JAKMIP1: variants seen among roughly 807,000 people sequenced by gnomAD.
The protein encoded by JAKMIP1 is janus kinase and microtubule-interacting protein 1.
Under a neutral mutation model 113.0 loss-of-function variants are expected in JAKMIP1, and 33 were observed. The observed-to-expected ratio is 0.29, with a 90% CI of 0.22 to 0.39. The LOEUF is 0.39. Among genes scored for constraint, JAKMIP1 ranks in the 10% least tolerant of loss-of-function variants. The pLI is 1.00. For synonymous variants in JAKMIP1, 480 were observed against 459.9 expected, an observed-to-expected ratio of 1.04 and a Z score of -0.56; for missense variants, 813 against 1,080.5, an observed-to-expected ratio of 0.75 and a Z score of 3.47.
chr4:6,105,038 C>T (rs570394651), intron 3 of JAKMIP1, among the ~76,000 whole-genome samples: 1 of 152,344 alleles, frequency 6.6e-6, no homozygotes, highest in South Asian at 2.1e-4. Context: ...ATCCACACTC[C>T]ACAGCTTCCA....
At position 6,060,419 on chromosome 4, in the gene JAKMIP1, C is replaced by T. The variant is rs1717099984; in HGVS notation, c.1644+5G>A. On this transcript the variant is annotated splice_donor_5th_base_variant and intron_variant, in intron 11 of 20. Transcript: ENST00000409021. ...ATTCACAGAGCACAGATCACTCCTGCTCACCTGTCCCTTCTCAACCAGTAA... is the reference window on the plus strand; with the variant it reads ...ATTCACAGAGCACAGATCACTCCTGTTCACCTGTCCCTTCTCAACCAGTAA... 1.2e-6 allele frequency: 2 copies of T among 1,606,778 alleles called. No homozygotes were observed. Among genetic ancestry groups the T allele is most frequent in the Admixed American group, 1.7e-5 (1 of 59,994 alleles).
Position 6,139,317 on chromosome 4 carries a change from G to T in JAKMIP1, c.-147-26320C>A, listed in dbSNP as rs746334994. Reference sequence around the variant, plus strand: ...AAGTATTCTTGATTTATGTGAAAGGGTTTAAATTGTGTCACTCCCAAATTC... The same window carrying T: ...AAGTATTCTTGATTTATGTGAAAGGTTTTAAATTGTGTCACTCCCAAATTC... On this transcript the variant is annotated intron_variant, in intron 1 of 20. Coordinates refer to ENST00000409021, the MANE Select transcript of JAKMIP1 (RefSeq NM_001099433.2). The surrounding 1 kb of genome is among the most constrained non-coding windows in gnomAD (Gnocchi z 5.2). Among the ~76,000 whole-genome samples the T allele has an allele frequency of 6.6e-6, 1 of 152,148 alleles. No homozygotes were observed. The highest frequency in any genetic ancestry group is 6.5e-5 in the Admixed American group (1 of 15,278).
At chr4:6,117,089 G>C (rs1164280636) in intron 1 of JAKMIP1, among the ~76,000 whole-genome samples, 1 of 152,222 alleles carries the variant, frequency 6.6e-6, no homozygotes, top group Non-Finnish European at 1.5e-5. Context: ...GGACAGCACA[G>C]CTCGTGTGCC....
chr4:6,092,671 C>T (rs1339655129), intron 3 of JAKMIP1, among the ~76,000 whole-genome samples: 1 of 152,218 alleles, frequency 6.6e-6, no homozygotes, highest in Non-Finnish European at 1.5e-5. Context: ...CTAAGAGGGT[C>T]CTTGACCCCA....
intron 1 of JAKMIP1, among the ~76,000 whole-genome samples, chr4:6,160,885 C>T (rs1348367106): frequency 2.0e-5 from 3 of 150,536 alleles, no homozygotes; most frequent in Admixed American, 6.6e-5. Context: ...GACCTCCACT[C>T]GCCTACCCTG....
In JAKMIP1 at chr4:6,106,246, G is replaced by C. The variant is rs1713926587; in HGVS notation, c.130-279C>G. ...ATTCAAGCCTTTGACATCTCTTCCA[G>C]GTTGTAAATTGAGACGACTGCTCAA... On this transcript the variant is annotated intron_variant, in intron 2 of 20. Coordinates refer to ENST00000409021, the MANE Select transcript of JAKMIP1 (RefSeq NM_001099433.2). This position sits in a 1 kb window ranked among gnomAD's most constrained non-coding sequence, Gnocchi z 5.9. 6.6e-6 allele frequency among the ~76,000 whole-genome samples: 1 copy of C among 152,210 alleles called. No individual in the cohort carries two copies. The highest frequency in any genetic ancestry group is 2.4e-5 in the African/African-American group (1 of 41,450).
intron 3 of JAKMIP1, among the ~76,000 whole-genome samples, chr4:6,096,080 G>A (rs561958989): frequency 1.3e-5 from 2 of 152,300 alleles, no homozygotes; most frequent in South Asian, 2.1e-4. Context: ...TGCAAAGATC[G>A]GGGCTGGAGC....
chr4:6,194,587 C>G lies in JAKMIP1; in HGVS notation c.-148+5666G>C, dbSNP rs1252399686. On this transcript the variant is annotated intron_variant, in intron 1 of 20. Coordinates refer to ENST00000409021, the MANE Select transcript of JAKMIP1 (RefSeq NM_001099433.2). This position sits in a 1 kb window ranked among gnomAD's most constrained non-coding sequence, Gnocchi z 7.4. Reference sequence around the variant, plus strand: ...CACCCCCTCCAGTGCTGTGGAGGGACCCGGGTCAGTCCAGGCTCCTGACTC... The same window carrying G: ...CACCCCCTCCAGTGCTGTGGAGGGAGCCGGGTCAGTCCAGGCTCCTGACTC... 1 of 152,248 alleles carries G rather than the reference C, an allele frequency of 6.6e-6. No individual in the cohort carries two copies. Among genetic ancestry groups the G allele is most frequent in the Non-Finnish European group, 1.5e-5 (1 of 68,122 alleles). The allele number at this position is 152,248 out of a possible 1,614,324, so 9.4% of individuals were successfully genotyped here.
intron 2 of JAKMIP1, among the ~76,000 whole-genome samples, chr4:6,107,162 T>C (rs1268589444): frequency 6.6e-6 from 1 of 152,180 alleles, no homozygotes; most frequent in Non-Finnish European, 1.5e-5. Context: ...CAGCATCTTT[T>C]CCTAGTGGAT....
At chr4:6,127,973 C>T (rs1717964797) in intron 1 of JAKMIP1, among the ~76,000 whole-genome samples, 1 of 152,232 alleles carries the variant, frequency 6.6e-6, no homozygotes, top group Non-Finnish European at 1.5e-5. Context: ...TCCCACCACC[C>T]CCATCTCTGG....
In JAKMIP1 at chr4:6,062,426, C is replaced by A. The variant is rs1169958175; in HGVS notation, c.1446G>T (p.Glu482Asp). ...GCTGGCAGAAGCGCAGGTCAGCCTC[C>A]TCTCGGGCTGTGGCCTTCACATAAT... ...EEDLDDATAR[E>D]EADLRFCQLT... Residue 482 changes from glutamate to aspartate, a missense_variant, in exon 10 of 21, where the codon GAG becomes GAT. Physicochemically the swap from Glu to Asp is conservative, Grantham distance 45. Around this residue, in one of 2 missense-constraint regions of JAKMIP1, gnomAD observed 540 missense variants for 653.9 expected, o/e 0.83. Coordinates refer to ENST00000409021, the MANE Select transcript of JAKMIP1 (RefSeq NM_001099433.2). The A allele has an allele frequency of 6.2e-7, 1 of 1,613,438 alleles. No individual in the cohort carries two copies. Among genetic ancestry groups the A allele is most frequent in the Admixed American group, 1.7e-5 (1 of 60,022 alleles).
Position 6,089,442 on chromosome 4 carries a change from C to T in JAKMIP1, c.625-3813G>A, listed in dbSNP as rs553302996. Among the ~76,000 whole-genome samples the T allele has an allele frequency of 1.8e-4, 27 of 152,334 alleles. 1 individual carries two copies. In the South Asian group the frequency reaches 5.2e-3, roughly 29 times the overall value. ...TAGGTACTCATTTGTACTTAAGAGA[C>T]ACTCTCTGAGTCTTTAAAAGATCCT... On this transcript the variant is annotated intron_variant, in intron 3 of 20. Coordinates refer to ENST00000409021, the MANE Select transcript of JAKMIP1 (RefSeq NM_001099433.2). The surrounding 1 kb of genome is among the most constrained non-coding windows in gnomAD (Gnocchi z 5.3).
At chr4:6,169,996 A>ACCACCACCACCACCC (rs1724186033) in intron 1 of JAKMIP1, among the ~76,000 whole-genome samples, 2 of 80,984 alleles carry the variant, frequency 2.5e-5, no homozygotes, top group Non-Finnish European at 5.5e-5. Flanking sequence ...CACCACCACC[A>ACCACCACCACCACCC]CCACCACCAC....
At chr4:6,127,702 C>A (rs1284183075) in intron 1 of JAKMIP1, among the ~76,000 whole-genome samples, 2 of 152,198 alleles carry the variant, frequency 1.3e-5, no homozygotes, top group African/African-American at 2.4e-5. Flanking sequence ...CTGTGGGATT[C>A]CCTCCTTGAT....
rs75614152 is a variant in JAKMIP1, at chr4:6,139,458, T to C, written c.-147-26461A>G. Among the ~76,000 whole-genome samples the C allele has an allele frequency of 0.035, 5,377 of 152,072 alleles. 336 individuals carry two copies. The highest frequency in any genetic ancestry group is 0.12 in the African/African-American group (5,139 of 41,386). ...GGAGGGTGGGCCTTAACCAATATGA[T>C]GGGTGTTCCTACAAAAAGAAGAAAT... On this transcript the variant is annotated intron_variant, in intron 1 of 20. Transcript: ENST00000409021. The surrounding 1 kb of genome is among the most constrained non-coding windows in gnomAD (Gnocchi z 5.2).
intron 19 of JAKMIP1, among the ~76,000 whole-genome samples, chr4:6,035,472 A>G (rs1286038670): frequency 2.0e-5 from 3 of 152,100 alleles, no homozygotes; most frequent in Non-Finnish European, 4.4e-5. Context: ...CTCACACGCA[A>G]CATCGAACCT....
At chr4:6,033,806 A>G (rs1713046670) in intron 19 of JAKMIP1, among the ~76,000 whole-genome samples, 1 of 152,260 alleles carries the variant, frequency 6.6e-6, no homozygotes, top group African/African-American at 2.4e-5. Context: ...AAAAAAATGT[A>G]GGTTTTGCAA....
In JAKMIP1 at chr4:6,061,508, A is replaced by G. The variant is rs1233110920; in HGVS notation, c.1560+804T>C. Among the ~76,000 whole-genome samples the G allele has an allele frequency of 6.6e-6, 1 of 152,192 alleles. No individual in the cohort carries two copies. Among genetic ancestry groups the G allele is most frequent in the Non-Finnish European group, 1.5e-5 (1 of 68,042 alleles). On this transcript the variant is annotated intron_variant, in intron 10 of 20. Coordinates refer to ENST00000409021, the MANE Select transcript of JAKMIP1 (RefSeq NM_001099433.2). The surrounding 1 kb of genome is among the most constrained non-coding windows in gnomAD (Gnocchi z 5.3). ...ACTACCAAAATCCATCCATTTGTGG[A>G]ATTCCCAAACAGGGCTCTGAGAAAG...
chr4:6,170,373 CCACCA>C (rs1724336099), intron 1 of JAKMIP1, among the ~76,000 whole-genome samples: 1 of 150,768 alleles, frequency 6.6e-6, no homozygotes, highest in African/African-American at 2.4e-5. Context: ...ACCTCTATCA[CCACCA>C]TCACCACCAC....
Sources: gnomAD v4.1 joint callset for allele counts (sites outside exome capture counted in the v4.1 genomes callset) on GRCh38, gnomAD v4.1.1 for gene constraint, gnomAD v4.1.1 regional missense constraint, Gnocchi (gnomAD v3.1) non-coding constraint, MANE v1.5 for transcripts, NCBI Gene and HGNC (gene_info 2026-07-23, HGNC 2026-07-21) for gene names.